The following AFF2 variants were observed in gnomAD, a reference collection of about 807,000 sequenced individuals.
AFF2 encodes the protein AF4/FMR2 family member 2.
In AFF2, 14 loss-of-function variants were observed where a neutral mutation model predicts 76.9. The ratio of observed to expected loss-of-function variants is 0.18; its 90% confidence interval spans 0.12 to 0.28. AFF2 has a LOEUF of 0.28. AFF2 is among the 10% of genes least tolerant of loss of function. The probability of loss-of-function intolerance (pLI) is 1.00; values close to 1 mark genes in which losing one functional copy is unlikely to be tolerated. For synonymous variants in AFF2, 398 were observed against 366.7 expected (o/e 1.09, Z -0.98); for missense variants, 868 against 1,001.1 (o/e 0.87, Z 1.79).
At chrX:148,525,466 A>T (rs1302293934) in intron 1 of AFF2, among the ~76,000 whole-genome samples, 3 of 111,937 alleles carry the variant, frequency 2.7e-5, no homozygotes, top group South Asian at 3.7e-4. Context: ...TTCTCAATAG[A>T]TAATGGTCCC....
At chrX:148,715,269 C>A (rs1222515907) in intron 3 of AFF2, among the ~76,000 whole-genome samples, 1 of 111,639 alleles carries the variant, frequency 9.0e-6, no homozygotes, top group African/African-American at 3.3e-5. Flanking sequence ...CCTTATCAAG[C>A]AATTAGTAAG....
At chrX:148,743,362 T>A (rs1557265854) in intron 3 of AFF2, among the ~76,000 whole-genome samples, 1 of 112,257 alleles carries the variant, frequency 8.9e-6, no homozygotes. Context: ...AGTTTTAATT[T>A]AAAAAATAAC....
intron 3 of AFF2, among the ~76,000 whole-genome samples, chrX:148,786,796 G>A (rs1035884708): frequency 3.6e-5 from 4 of 111,557 alleles, no homozygotes; most frequent in East Asian, 5.6e-4. Flanking sequence ...CATTTTATTT[G>A]TGTTTGAAAC....
chrX:148,512,178 T>TA (rs782353357), intron 1 of AFF2, among the ~76,000 whole-genome samples: 16 of 111,873 alleles, frequency 1.4e-4, no homozygotes, highest in African/African-American at 4.9e-4. Context: ...TGGACCTTTT[T>TA]AAAAAAAATA....
chrX:148,929,306 T>C (rs2071686700), intron 9 of AFF2, among the ~76,000 whole-genome samples: 1 of 112,651 alleles, frequency 8.9e-6, no homozygotes, highest in Non-Finnish European at 1.9e-5. Flanking sequence ...TCCCTTCAGT[T>C]AACATTTCTC....
intron 3 of AFF2, among the ~76,000 whole-genome samples, chrX:148,669,488 T>TAA (rs2054397999): frequency 8.9e-6 from 1 of 112,074 alleles, no homozygotes; most frequent in African/African-American, 3.2e-5. Flanking sequence ...CAGTTCCATG[T>TAA]GGCTGGGGAG....
intron 3 of AFF2, among the ~76,000 whole-genome samples, chrX:148,716,287 T>A (rs1309619846): frequency 3.6e-5 from 4 of 111,517 alleles, no homozygotes; most frequent in Non-Finnish European, 7.5e-5. Flanking sequence ...TTCCAGTTTT[T>A]TGGCTGTTGG....
intron 1 of AFF2, among the ~76,000 whole-genome samples, chrX:148,649,742 G>A (rs1295555738): frequency 8.9e-6 from 1 of 112,028 alleles, no homozygotes. Context: ...GCTGAAGCAC[G>A]TTTCCTTTTC....
In AFF2 at chrX:148,585,242, G is replaced by A. The variant is rs180863707; in HGVS notation, c.48-66757G>A. The stretch of plus-strand genomic sequence containing the variant: ...AAGACAGCTACTGGGTACAAACATA[G>A]GTAGGACTGTCCAGCGGTTTTGATG... On this transcript the variant is annotated intron_variant, in intron 1 of 20. Coordinates refer to ENST00000370460, the MANE Select transcript of AFF2 (RefSeq NM_002025.4). Among the ~76,000 whole-genome samples, 782 of 111,646 alleles carry A rather than the reference G, an allele frequency of 7.0e-3. 7 individuals carry two copies. The highest frequency in any genetic ancestry group is 0.028 in the Middle Eastern group (6 of 213).
At chrX:148,582,233 A>G (rs1189097158) in intron 1 of AFF2, among the ~76,000 whole-genome samples, 1 of 111,292 alleles carries the variant, frequency 9.0e-6, no homozygotes, top group Non-Finnish European at 1.9e-5. Context: ...AACTTTGATC[A>G]TTTGCTTAAG....
intron 1 of AFF2, among the ~76,000 whole-genome samples, chrX:148,636,895 A>G (rs1557253914): frequency 8.9e-6 from 1 of 112,025 alleles, no homozygotes; most frequent in South Asian, 3.7e-4. Context: ...CCACTCAATT[A>G]TTTAGTCTTT....
chrX:148,824,328 T>A (rs1444193908), intron 4 of AFF2, among the ~76,000 whole-genome samples: 2 of 111,424 alleles, frequency 1.8e-5, no homozygotes, highest in African/African-American at 3.3e-5. Flanking sequence ...AAACTTTCAG[T>A]TATGTAGGGT....
At chrX:148,888,260 G>A (rs1557279327) in intron 8 of AFF2, among the ~76,000 whole-genome samples, 1 of 110,310 alleles carries the variant, frequency 9.1e-6, no homozygotes, top group African/African-American at 3.3e-5. Context: ...TCATGTAACT[G>A]GAATCCTATA....
intron 1 of AFF2, among the ~76,000 whole-genome samples, chrX:148,585,640 C>A (rs1395156030): frequency 1.8e-5 from 2 of 109,168 alleles, no homozygotes; most frequent in African/African-American, 3.3e-5. Context: ...GAGATCAAGA[C>A]CATCCTGGCT....
chrX:148,657,688 G>T (rs2054267116), intron 2 of AFF2, among the ~76,000 whole-genome samples: 1 of 112,265 alleles, frequency 8.9e-6, no homozygotes, highest in African/African-American at 3.2e-5. Flanking sequence ...GAGAAATTGT[G>T]ATTGCTTAGA....
intron 3 of AFF2, among the ~76,000 whole-genome samples, chrX:148,717,790 G>A (rs1476469): frequency 0.036 from 4,051 of 111,079 alleles, 194 homozygotes; most frequent in African/African-American, 0.12. Flanking sequence ...AAGGGCAATA[G>A]GAACAGAGGC....
intron 3 of AFF2, among the ~76,000 whole-genome samples, chrX:148,757,237 G>A (rs1433306279): frequency 8.9e-6 from 1 of 111,985 alleles, no homozygotes; most frequent in Non-Finnish European, 1.9e-5. Flanking sequence ...GTCCATAGTT[G>A]CTTTTGCACT....
chrX:148,586,068 C>T (rs913513138), intron 1 of AFF2, among the ~76,000 whole-genome samples: 1 of 110,733 alleles, frequency 9.0e-6, no homozygotes, highest in Non-Finnish European at 1.9e-5. Flanking sequence ...TTCTGCCTCT[C>T]GCCAACCCTG....
chrX:148,755,063 G>A (rs1353387946), intron 3 of AFF2, among the ~76,000 whole-genome samples: 1 of 111,552 alleles, frequency 9.0e-6, no homozygotes, highest in Non-Finnish European at 1.9e-5. Flanking sequence ...GTCCTAGCGA[G>A]TGTAGGAGTC....
Sources: gnomAD v4.1 joint callset for allele counts (sites outside exome capture counted in the v4.1 genomes callset) on GRCh38, gnomAD v4.1.1 for gene constraint, MANE v1.5 for transcripts, NCBI Gene and HGNC (gene_info 2026-07-23, HGNC 2026-07-21) for gene names.